The following KCNIP4 variants were observed in gnomAD, a reference collection of about 807,000 sequenced individuals.
The protein encoded by KCNIP4 is potassium voltage-gated channel interacting protein 4.
KCNIP4 carries 12 observed loss-of-function variants against 34.0 expected under a neutral mutation model. The observed-to-expected ratio is 0.35, with a 90% CI of 0.23 to 0.57. The LOEUF (loss-of-function observed/expected upper bound fraction) is 0.57. Among genes scored for constraint, KCNIP4 ranks in the 20% least tolerant of loss-of-function variants. KCNIP4 has a pLI of 0.83. For missense variants in KCNIP4, 238 were observed against 311.7 expected (o/e 0.76, Z 1.78); for synonymous variants, 124 against 102.2 (o/e 1.21, Z -1.29).
At chr4:20,875,214 T>C (rs1723885509) in intron 2 of KCNIP4, among the ~76,000 whole-genome samples, 2 of 152,206 alleles carry the variant, frequency 1.3e-5, no homozygotes, top group East Asian at 3.9e-4. Flanking sequence ...CATATTTTTT[T>C]GTAAAACTGA....
intron 1 of KCNIP4, among the ~76,000 whole-genome samples, chr4:21,154,112 T>C (rs1287237050): frequency 6.6e-6 from 1 of 152,204 alleles, no homozygotes; most frequent in Non-Finnish European, 1.5e-5. Flanking sequence ...TGCAATCAAG[T>C]TGTTTGCCCT....
chr4:21,731,871 T>G lies in KCNIP4; in HGVS notation c.61+216700A>C, dbSNP rs1715627377. Among the ~76,000 whole-genome samples the G allele has an allele frequency of 2.6e-5, 4 of 152,076 alleles. No homozygotes were observed. The South Asian group carries it at 6.2e-4, about 24-fold the overall frequency. On this transcript the variant is annotated intron_variant, in intron 1 of 8. Coordinates refer to ENST00000382152, the MANE Select transcript of KCNIP4 (RefSeq NM_025221.6). ...CAACTTGGCTAAATACATATGGACC[T>G]CCACCAAAAAATCAGAACAGCTAAG...
chr4:21,004,493 G>A (rs1389446516), intron 1 of KCNIP4, among the ~76,000 whole-genome samples: 1 of 152,190 alleles, frequency 6.6e-6, no homozygotes, highest in African/African-American at 2.4e-5. Context: ...AGTCCACACA[G>A]AGGTGATGGT....
rs543617296 is a variant in KCNIP4 at position 21,929,319 on chromosome 4, TG to T, written c.61+19251del. Among the ~76,000 whole-genome samples the T allele has an allele frequency of 2.6e-5, 4 of 152,222 alleles. 1 individual carries two copies. In the South Asian group the frequency reaches 6.2e-4, roughly 24 times the overall value. On this transcript the variant is annotated intron_variant, in intron 1 of 8. Transcript: ENST00000382152. The stretch of plus-strand genomic sequence containing the variant: ...TATTGCTAACATTTTATTTATTTTA[TG>T]GAAAAAAAGGCTGGAAGCAAATATT...
chr4:21,935,703 C>T (rs1382000834), intron 1 of KCNIP4, among the ~76,000 whole-genome samples: 1 of 152,052 alleles, frequency 6.6e-6, no homozygotes, highest in Non-Finnish European at 1.5e-5. Flanking sequence ...TTTCCTCTCT[C>T]CTGACTTCTC....
chr4:20,901,757 T>C (rs749675056), intron 1 of KCNIP4, among the ~76,000 whole-genome samples: 2 of 152,136 alleles, frequency 1.3e-5, no homozygotes, highest in African/African-American at 2.4e-5. Context: ...AGAATAAGTA[T>C]ACTAAACTCA....
At chr4:21,141,348 T>C (rs1361783339) in intron 1 of KCNIP4, among the ~76,000 whole-genome samples, 1 of 152,146 alleles carries the variant, frequency 6.6e-6, no homozygotes, top group Non-Finnish European at 1.5e-5. Flanking sequence ...AGACTGTGAG[T>C]GCCCTAAGAA....
At chr4:21,300,281 T>C (rs1377120485) in intron 1 of KCNIP4, among the ~76,000 whole-genome samples, 2 of 152,174 alleles carry the variant, frequency 1.3e-5, no homozygotes, top group Admixed American at 6.5e-5. Flanking sequence ...TTCATTTTTA[T>C]AGTTGAAAGA....
intron 1 of KCNIP4, among the ~76,000 whole-genome samples, chr4:21,533,496 G>A (rs1450043119): frequency 1.3e-5 from 2 of 152,096 alleles, no homozygotes; most frequent in Non-Finnish European, 2.9e-5. Context: ...CCCCATTTTA[G>A]ACCATTTCCA....
intron 1 of KCNIP4, among the ~76,000 whole-genome samples, chr4:21,193,057 T>C (rs1755794330): frequency 6.6e-6 from 1 of 151,444 alleles, no homozygotes; most frequent in African/African-American, 2.4e-5. Flanking sequence ...ATGAGGATGT[T>C]GTGAGCAGTG....
chr4:21,587,622 C>T lies in KCNIP4; in HGVS notation c.61+360949G>A, dbSNP rs115264679. On this transcript the variant is annotated intron_variant, in intron 1 of 8. Transcript: ENST00000382152. ...TATTAAGTGCTTATTCTATCCCAGA[C>T]GATTTTCTAACTCACTGCAGCTGAC... Among the ~76,000 whole-genome samples, 980 of 152,110 alleles carry T rather than the reference C, an allele frequency of 6.4e-3. 17 individuals carry two copies. Among genetic ancestry groups the T allele is most frequent in the African/African-American group, 0.022 (907 of 41,518 alleles).
At chr4:21,305,995 T>C (rs963195039) in intron 1 of KCNIP4, among the ~76,000 whole-genome samples, 3 of 152,232 alleles carry the variant, frequency 2.0e-5, no homozygotes, top group African/African-American at 7.2e-5. Flanking sequence ...CTAATCTAGA[T>C]AGTCACTACT....
At chr4:21,098,694 C>G (rs1209948595) in intron 1 of KCNIP4, among the ~76,000 whole-genome samples, 1 of 152,134 alleles carries the variant, frequency 6.6e-6, no homozygotes, top group East Asian at 1.9e-4. Context: ...CATTCAAGAG[C>G]TCTGATGAAA....
chr4:21,948,733 C>T lies in KCNIP4; in HGVS notation c.-102G>A. ...AGCGCACCGCCGCTCGGCCCGGGGG[C>T]GTCCGTGGCGCTGGGAGCGAGAGCT... On this transcript the variant is annotated 5_prime_UTR_variant, in exon 1 of 9. Transcript: ENST00000382152. The T allele has an allele frequency of 7.8e-7, 1 of 1,274,628 alleles. No homozygotes were observed. Among genetic ancestry groups the T allele is most frequent in the South Asian group, 2.7e-5 (1 of 36,892 alleles). 79.0% of individuals were successfully genotyped at this position (1,274,628 alleles called of 1,614,324 possible).
intron 1 of KCNIP4, among the ~76,000 whole-genome samples, chr4:21,740,557 TAAATCCATTGAAAA>T (rs1474144868): frequency 6.6e-6 from 1 of 152,112 alleles, no homozygotes; most frequent in African/African-American, 2.4e-5. Flanking sequence ...GTGCTGGGTG[TAAATCCATTGAAAA>T]AAATGAAAAT....
At chr4:21,066,639 AC>A (rs1200376053) in intron 1 of KCNIP4, among the ~76,000 whole-genome samples, 1 of 152,120 alleles carries the variant, frequency 6.6e-6, no homozygotes, top group Non-Finnish European at 1.5e-5. Context: ...CTGTCCTGTC[AC>A]AGTAAAAAGT....
At chr4:20,841,343 G>A (rs1719693013) in intron 3 of KCNIP4, among the ~76,000 whole-genome samples, 1 of 152,126 alleles carries the variant, frequency 6.6e-6, no homozygotes, top group Admixed American at 6.5e-5. Flanking sequence ...TGCAGCACCT[G>A]CTGTCAGGAA....
chr4:21,636,741 G>T (rs562745466), intron 1 of KCNIP4, among the ~76,000 whole-genome samples: 5 of 152,278 alleles, frequency 3.3e-5, no homozygotes, highest in Non-Finnish European at 7.4e-5. Flanking sequence ...GAAAACAACT[G>T]ATTTCTTCAC....
chr4:21,705,650 C>A (rs1713209662), intron 1 of KCNIP4, among the ~76,000 whole-genome samples: 1 of 151,912 alleles, frequency 6.6e-6, no homozygotes, highest in South Asian at 2.1e-4. Context: ...GATGGCAGGG[C>A]ATGTAAAGCA....
Sources: gnomAD v4.1 joint callset for allele counts (sites outside exome capture counted in the v4.1 genomes callset) on GRCh38, gnomAD v4.1.1 for gene constraint, MANE v1.5 for transcripts, NCBI Gene and HGNC (gene_info 2026-07-23, HGNC 2026-07-21) for gene names.